Variants in GPC5 observed in about 807,000 individuals in gnomAD.
GPC5 encodes glypican-5.
Under a neutral mutation model 53.9 loss-of-function variants are expected in GPC5, and 47 were observed. The ratio of observed to expected loss-of-function variants is 0.87; its 90% CI spans 0.69 to 1.11. The LOEUF is 1.11. Among genes scored for constraint, GPC5 ranks in the 50% most tolerant of loss-of-function variants. The pLI, the probability that GPC5 is intolerant of heterozygous loss-of-function variation, is 0.00. For synonymous variants in GPC5, 286 were observed against 263.3 expected (o/e 1.09, Z -0.84); for missense variants, 748 against 713.1 (o/e 1.05, Z -0.56).
At chr13:92,518,631 C>A (rs1038242372) in intron 7 of GPC5, among the ~76,000 whole-genome samples, 6 of 152,154 alleles carry the variant, frequency 3.9e-5, no homozygotes, top group African/African-American at 1.4e-4. Context: ...GAAGGAAACA[C>A]TAAACATGGA....
At chr13:92,776,419 C>T (rs560435141) in intron 7 of GPC5, among the ~76,000 whole-genome samples, 3 of 152,296 alleles carry the variant, frequency 2.0e-5, no homozygotes, top group Non-Finnish European at 2.9e-5. Flanking sequence ...TGTGATCCCA[C>T]GGGGCCCACC....
chr13:92,384,890 T>C (rs1347237735), intron 7 of GPC5, among the ~76,000 whole-genome samples: 3 of 152,104 alleles, frequency 2.0e-5, no homozygotes, highest in Admixed American at 1.3e-4. Flanking sequence ...ATATATTCAG[T>C]GATGCCAGAA....
At chr13:91,997,726 G>T (rs1484954850) in intron 6 of GPC5, among the ~76,000 whole-genome samples, 1 of 152,052 alleles carries the variant, frequency 6.6e-6, no homozygotes, top group Non-Finnish European at 1.5e-5. Context: ...CACCATGTTG[G>T]CTAGGTTGGT....
intron 2 of GPC5, among the ~76,000 whole-genome samples, chr13:91,628,476 A>ATCTGTCTG (rs1030798499): frequency 1.2e-3 from 48 of 39,274 alleles, no homozygotes; most frequent in African/African-American, 4.8e-3. Context: ...TATCATTTGT[A>ATCTGTCTG]TCTATCTGTC....
chr13:91,501,766 T>C (rs1884651565), intron 2 of GPC5, among the ~76,000 whole-genome samples: 1 of 152,210 alleles, frequency 6.6e-6, no homozygotes, highest in South Asian at 2.1e-4. Flanking sequence ...TACCCAGTAA[T>C]GGGATGCCTG....
At chr13:92,393,294 T>C (rs1261055325) in intron 7 of GPC5, among the ~76,000 whole-genome samples, 1 of 152,042 alleles carries the variant, frequency 6.6e-6, no homozygotes, top group Non-Finnish European at 1.5e-5. Flanking sequence ...AAAAAACTAA[T>C]ACAGGAACAG....
chr13:92,564,274 G>GT (rs1212811528), intron 7 of GPC5, among the ~76,000 whole-genome samples: 1 of 151,830 alleles, frequency 6.6e-6, no homozygotes, highest in Non-Finnish European at 1.5e-5. Flanking sequence ...GTGTCAATAG[G>GT]TTTTGCATGG....
chr13:91,597,856 A>C (rs1051422529), intron 2 of GPC5, among the ~76,000 whole-genome samples: 2 of 151,354 alleles, frequency 1.3e-5, no homozygotes, highest in Non-Finnish European at 2.9e-5. Flanking sequence ...TTCTCTGTTC[A>C]TTTCTGGTTC....
intron 7 of GPC5, among the ~76,000 whole-genome samples, chr13:92,826,879 G>A (rs1877867693): frequency 6.6e-6 from 1 of 151,942 alleles, no homozygotes; most frequent in African/African-American, 2.4e-5. Flanking sequence ...CCTTTAACAA[G>A]GCTTATTGAC....
At chr13:91,860,093 C>T (rs962129353) in intron 5 of GPC5, among the ~76,000 whole-genome samples, 1 of 152,178 alleles carries the variant, frequency 6.6e-6, no homozygotes, top group East Asian at 1.9e-4. Flanking sequence ...CCTTTGCTAA[C>T]TATTTGAAAC....
intron 7 of GPC5, among the ~76,000 whole-genome samples, chr13:92,662,879 C>T (rs1886397423): frequency 6.6e-6 from 1 of 152,162 alleles, no homozygotes; most frequent in Non-Finnish European, 1.5e-5. Context: ...CCTTGCCCTG[C>T]TCCACTAATT....
intron 6 of GPC5, among the ~76,000 whole-genome samples, chr13:91,972,810 C>T (rs1221486928): frequency 6.6e-6 from 1 of 152,166 alleles, no homozygotes; most frequent in Non-Finnish European, 1.5e-5. Context: ...TCTCTTCTGG[C>T]TTGTAGAGTT....
Position 91,803,083 on chromosome 13 carries a change from A to G in GPC5, c.1280+46663A>G, listed in dbSNP as rs148875398. ...TGTTGCAAGTACCCAGAACTCAAAC[A>G]ATTTGAAGATGGGTTGCTTAACTTT... is the stretch of plus-strand genomic sequence containing the variant. On this transcript the variant is annotated intron_variant, in intron 5 of 7. Coordinates refer to ENST00000377067, the MANE Select transcript of GPC5 (RefSeq NM_004466.6). 1.1e-3 allele frequency among the ~76,000 whole-genome samples: 163 copies of G among 152,298 alleles called. 2 individuals are homozygous for G. The highest frequency in any genetic ancestry group is 3.8e-3 in the African/African-American group (158 of 41,570).
At chr13:91,721,076 T>C (rs1226548411) in intron 3 of GPC5, among the ~76,000 whole-genome samples, 3 of 6,860 alleles carry the variant, frequency 4.4e-4, no homozygotes, top group Non-Finnish European at 8.1e-4. Flanking sequence ...TTTCTTTCTT[T>C]CTTTCTTTCT....
At chr13:92,504,288 G>A (rs1880288466) in intron 7 of GPC5, among the ~76,000 whole-genome samples, 1 of 151,892 alleles carries the variant, frequency 6.6e-6, no homozygotes. Context: ...AACCTAACAA[G>A]TACAGAAACA....
intron 1 of GPC5, among the ~76,000 whole-genome samples, chr13:91,424,481 C>T (rs1007864661): frequency 1.3e-5 from 2 of 151,392 alleles, no homozygotes; most frequent in Non-Finnish European, 2.9e-5. Flanking sequence ...TCTCCTACCT[C>T]AGCCTCCCGA....
At chr13:92,755,943 C>A (rs914241027) in intron 7 of GPC5, among the ~76,000 whole-genome samples, 5 of 151,126 alleles carry the variant, frequency 3.3e-5, no homozygotes, top group African/African-American at 1.2e-4. Context: ...CTATTCCAAT[C>A]AATAGGAAAA....
chr13:91,606,993 G>T (rs895352771), intron 2 of GPC5, among the ~76,000 whole-genome samples: 5 of 151,354 alleles, frequency 3.3e-5, no homozygotes, highest in Admixed American at 6.6e-5. Context: ...CTTGCCTTCT[G>T]CTAGCTTTTG....
intron 5 of GPC5, among the ~76,000 whole-genome samples, chr13:91,896,212 C>T (rs971006006): frequency 1.3e-5 from 2 of 151,576 alleles, no homozygotes; most frequent in Admixed American, 6.6e-5. Flanking sequence ...CTCCACCTCC[C>T]GGGTTCAAGC....
Sources: gnomAD v4.1 joint callset for allele counts (sites outside exome capture counted in the v4.1 genomes callset) on GRCh38, gnomAD v4.1.1 for gene constraint, MANE v1.5 for transcripts, NCBI Gene and HGNC (gene_info 2026-07-23, HGNC 2026-07-21) for gene names.